The following VTI1B variants were observed in gnomAD, a reference collection of about 807,000 sequenced individuals.
VTI1B encodes the protein vesicle transport through interaction with t-SNAREs 1B, also known as vesicle transport through interaction with t-SNAREs homolog 1B.
In VTI1B, 18 loss-of-function variants were observed where a neutral mutation model predicts 28.6. That is an observed-to-expected ratio of 0.63 (90% CI 0.43 to 0.93). The LOEUF is 0.93. Ranked by LOEUF, VTI1B falls within the 40% of genes least tolerant of loss-of-function variation. The pLI is 0.00. For synonymous variants in VTI1B, 100 were observed against 107.9 expected (o/e 0.93, Z 0.46); for missense variants, 283 against 297.0 (o/e 0.95, Z 0.35).
chr14:67,651,655 C>A (rs2037179108), intron 5 of VTI1B, 174 bp from the exon 6 acceptor site: 2 of 525,834 alleles, frequency 3.8e-6, no homozygotes, highest in Non-Finnish European at 6.4e-6. Flanking sequence ...AGGGATAACA[C>A]TGTCTACCTC....
intron 5 of VTI1B, among the ~76,000 whole-genome samples, chr14:67,651,885 T>C (rs1413015514): frequency 1.3e-5 from 2 of 152,228 alleles, no homozygotes; most frequent in African/African-American, 4.8e-5. Context: ...ACTTCTTCCC[T>C]CTGCCCTATT....
intron 2 of VTI1B, 75 bp downstream of exon 2, chr14:67,662,402 T>A: frequency 1.6e-6 from 2 of 1,259,608 alleles, no homozygotes; most frequent in Non-Finnish European, 2.3e-6. Context: ...AGTTAATTTG[T>A]GATCAGCTCA....
rs762374024 is a variant in VTI1B, at chr14:67,648,026, T to C, written c.*3359A>G. ...CAGTTAAGTATTATTTTAAGTATTATTTTATCCTCTTCCTTTTTAGGAGAC... is the reference window on the plus strand; with the variant it reads ...CAGTTAAGTATTATTTTAAGTATTACTTTATCCTCTTCCTTTTTAGGAGAC... On this transcript the variant is annotated 3_prime_UTR_variant, in exon 6 of 6. Transcript: ENST00000554659. The C allele has an allele frequency of 2.5e-6, 4 of 1,581,006 alleles. No individual in the cohort carries two copies. The South Asian group carries it at 3.4e-5, about 14-fold the overall frequency.
intron 2 of VTI1B, among the ~76,000 whole-genome samples, chr14:67,661,051 T>C (rs993917869): frequency 6.6e-5 from 10 of 152,002 alleles, no homozygotes; most frequent in East Asian, 1.9e-4. Flanking sequence ...CAGAACTTCA[T>C]TGGGATAAGT....
rs1269075795 is a variant in VTI1B at position 67,674,265 on chromosome 14, G to GGACGCGGAGGGAGGA, written c.115+95_115+109dup. 5.8e-6 allele frequency: 6 copies of GGACGCGGAGGGAGGA among 1,029,474 alleles called. No individual in the cohort carries two copies. The African/African-American group carries it at 1.0e-4, about 17-fold the overall frequency. 63.8% of individuals were successfully genotyped at this position (1,029,474 alleles called of 1,614,324 possible). A position where few individuals can be genotyped will look rare whatever the true frequency, so the allele number is the denominator to read the frequency against. On this transcript the variant is annotated intron_variant, in intron 1 of 5. Coordinates refer to ENST00000554659, the MANE Select transcript of VTI1B (RefSeq NM_006370.3). ...AGCCAGCCCTAGGGGGCGTGTCTGA[G>GGACGCGGAGGGAGGA]GACGCGGAGGGAGGAGACGCGGGCC...
At position 67,674,492 on chromosome 14, in the gene VTI1B, C is replaced by G. The variant is rs767435416; in HGVS notation, c.-3G>C. On this transcript the variant is annotated 5_prime_UTR_variant, in exon 1 of 6. Coordinates refer to ENST00000554659, the MANE Select transcript of VTI1B (RefSeq NM_006370.3). The stretch of plus-strand genomic sequence containing the variant: ...GAGGAGGCGGCGGAGGAGGCCATGG[C>G]GCAGGCCGCGCTGGAGCAGCGGCCA... 6.3e-7 allele frequency: 1 copy of G among 1,597,928 alleles called. No homozygotes were observed. Among genetic ancestry groups the G allele is most frequent in the East Asian group, 2.3e-5 (1 of 44,358 alleles).
At chr14:67,663,380 TGTAA>T (rs1195869992) in intron 1 of VTI1B, among the ~76,000 whole-genome samples, 8 of 152,056 alleles carry the variant, frequency 5.3e-5, no homozygotes, top group Non-Finnish European at 1.5e-5. Flanking sequence ...ATAAAGAAAA[TGTAA>T]GTGACAAGGC....
chr14:67,660,119 G>C (rs536910088), intron 2 of VTI1B, 197 bp from the exon 3 acceptor site: 1 of 545,926 alleles, frequency 1.8e-6, no homozygotes, highest in South Asian at 2.7e-5. Context: ...AGCAAGCACA[G>C]AGCAGGCATT....
chr14:67,668,244 T>A (rs2037425343), intron 1 of VTI1B, among the ~76,000 whole-genome samples: 1 of 152,222 alleles, frequency 6.6e-6, no homozygotes, highest in Non-Finnish European at 1.5e-5. Context: ...ATTAAGAAAT[T>A]ATAGCACATT....
intron 1 of VTI1B, among the ~76,000 whole-genome samples, chr14:67,664,089 T>TTA: frequency 6.6e-6 from 1 of 152,306 alleles, no homozygotes. Flanking sequence ...TTACAATGTT[T>TTA]GTTTGTTTGT....
chr14:67,658,458 G>A (rs923683424), intron 3 of VTI1B, among the ~76,000 whole-genome samples: 1 of 152,108 alleles, frequency 6.6e-6, no homozygotes, highest in Admixed American at 6.6e-5. Context: ...TTAGCCGGGC[G>A]TGGTGGTGGG....
chr14:67,670,016 G>A (rs2037446954), intron 1 of VTI1B, among the ~76,000 whole-genome samples: 1 of 152,192 alleles, frequency 6.6e-6, no homozygotes, highest in Non-Finnish European at 1.5e-5. Context: ...GATCACCTGA[G>A]CCCGGGAAGC....
In VTI1B at chr14:67,656,401, T is replaced by A; in HGVS notation, c.540+15A>T. 1 of 1,574,462 alleles carries A rather than the reference T, an allele frequency of 6.4e-7. No homozygotes were observed. Among genetic ancestry groups the A allele is most frequent in the Non-Finnish European group, 8.6e-7 (1 of 1,156,802 alleles). Reference sequence around the variant, plus strand: ...TACCCCATACTTGCCCCTTTCCCTGTCTGCCCAGACTTACTCTACTCTTGG... The same window carrying A: ...TACCCCATACTTGCCCCTTTCCCTGACTGCCCAGACTTACTCTACTCTTGG... On this transcript the variant is annotated intron_variant, in intron 4 of 5. Coordinates refer to ENST00000554659, the MANE Select transcript of VTI1B (RefSeq NM_006370.3).
intron 5 of VTI1B, among the ~76,000 whole-genome samples, chr14:67,653,046 C>T (rs1848421518): frequency 6.6e-6 from 1 of 152,190 alleles, no homozygotes; most frequent in South Asian, 2.1e-4. Context: ...GCTTCAGCCT[C>T]CCAAGGTGCT....
intron 2 of VTI1B, among the ~76,000 whole-genome samples, chr14:67,662,175 AC>A (rs1339174656): frequency 7.0e-6 from 1 of 142,590 alleles, no homozygotes; most frequent in East Asian, 2.3e-4. Flanking sequence ...AACAACAACA[AC>A]AACAAAAAAA....
At chr14:67,655,160 T>G (rs1388719599) in intron 4 of VTI1B, among the ~76,000 whole-genome samples, 2 of 151,162 alleles carry the variant, frequency 1.3e-5, no homozygotes, top group Admixed American at 1.3e-4. Context: ...GGCAACATAA[T>G]GAGACCCCGT....
chr14:67,658,457 C>T (rs1224550546), intron 3 of VTI1B, among the ~76,000 whole-genome samples: 3 of 151,960 alleles, frequency 2.0e-5, no homozygotes, highest in Non-Finnish European at 4.4e-5. Flanking sequence ...ATTAGCCGGG[C>T]GTGGTGGTGG....
Position 67,662,806 on chromosome 14 carries a change from A to G in VTI1B, c.116-271T>C, listed in dbSNP as rs1305740623. On this transcript the variant is annotated intron_variant, in intron 1 of 5. Coordinates refer to ENST00000554659, the MANE Select transcript of VTI1B (RefSeq NM_006370.3). ...GTAATCTCAGCTACTTGGGAGGCAG[A>G]GGTAGAGAAATGCTTGAACCCAGGA... Among the ~76,000 whole-genome samples, 3 of 149,976 alleles carry G rather than the reference A, an allele frequency of 2.0e-5. No individual in the cohort carries two copies. In the Admixed American group the frequency reaches 2.0e-4, roughly 10 times the overall value.
At position 67,650,872 on chromosome 14, in the gene VTI1B, T is replaced by C; in HGVS notation, c.*513A>G. ...ATATTGTCTATGACCAACTTCCTAC[T>C]CCCAGTTCACCAGATGAATCAGAAA... On this transcript the variant is annotated 3_prime_UTR_variant, in exon 6 of 6. Transcript: ENST00000554659. The C allele has an allele frequency of 3.1e-6, 5 of 1,614,146 alleles. No homozygotes were observed. Among genetic ancestry groups the C allele is most frequent in the South Asian group, 1.1e-5 (1 of 91,076 alleles).
Sources: allele counts gnomAD v4.1 joint callset (sites outside exome capture counted in the v4.1 genomes callset), GRCh38; gene constraint gnomAD v4.1.1; transcripts MANE v1.5; gene names NCBI Gene and HGNC (gene_info 2026-07-23, HGNC 2026-07-21).